Variants in PDE4D observed in about 807,000 individuals in gnomAD.
PDE4D encodes the protein phosphodiesterase 4D.
A neutral mutation model predicts 87.4 loss-of-function variants in PDE4D; 24 were observed. That is an observed-to-expected ratio of 0.27 (90% CI 0.20 to 0.39). The LOEUF is 0.39. PDE4D is among the 10% of genes least tolerant of loss of function. The pLI is 1.00. For missense variants in PDE4D, 714 were observed against 1,041.0 expected (o/e 0.69, Z 4.32); for synonymous variants, 384 against 383.2 (o/e 1.00, Z -0.02).
intron 1 of PDE4D, among the ~76,000 whole-genome samples, chr5:59,308,177 C>T (rs973704090): frequency 3.8e-5 from 5 of 131,090 alleles, no homozygotes; most frequent in African/African-American, 1.2e-4. Context: ...CACATGGACA[C>T]AGGAAGGGGA....
chr5:59,815,462 T>C (rs1282128581), intron 1 of PDE4D, among the ~76,000 whole-genome samples: 1 of 152,144 alleles, frequency 6.6e-6, no homozygotes, highest in East Asian at 1.9e-4. Context: ...GAGTTGGCTG[T>C]CTTACTTCCT....
rs1056016257 is a variant in PDE4D, at chr5:59,315,467, G to C, written c.456-99499C>G. Among the ~76,000 whole-genome samples, 14 of 152,066 alleles carry C rather than the reference G, an allele frequency of 9.2e-5. No homozygotes were observed. In the South Asian group the frequency reaches 2.5e-3, roughly 27 times the overall value. ...AATAATTGAGTCTCACACTCTTGAG[G>C]GGGGAATATGTTAGGGTAGGTAGAT... is the stretch of plus-strand genomic sequence containing the variant. On this transcript the variant is annotated intron_variant, in intron 1 of 14. Transcript: ENST00000340635.
At chr5:59,102,565 C>T (rs1770938548) in intron 5 of PDE4D, among the ~76,000 whole-genome samples, 1 of 152,146 alleles carries the variant, frequency 6.6e-6, no homozygotes, top group African/African-American at 2.4e-5. Flanking sequence ...GACCATAATG[C>T]TATATTAGCA....
intron 2 of PDE4D, among the ~76,000 whole-genome samples, chr5:60,016,792 CAA>C (rs1765561607): frequency 6.6e-6 from 1 of 152,156 alleles, no homozygotes; most frequent in African/African-American, 2.4e-5. Flanking sequence ...TTGAAACTTT[CAA>C]AGTCATCATG....
At chr5:60,196,970 G>C (rs1407812660) in intron 1 of PDE4D, among the ~76,000 whole-genome samples, 2 of 150,618 alleles carry the variant, frequency 1.3e-5, no homozygotes, top group Admixed American at 6.6e-5. Context: ...AGACCAACTA[G>C]GTTCTAAAAC....
intron 1 of PDE4D, among the ~76,000 whole-genome samples, chr5:59,308,649 G>A (rs989473804): frequency 1.3e-5 from 2 of 151,578 alleles, no homozygotes; most frequent in African/African-American, 4.9e-5. Flanking sequence ...GCCTGTTCTG[G>A]TGCAGGGGGT....
chr5:59,559,258 C>T (rs952362783), intron 1 of PDE4D, among the ~76,000 whole-genome samples: 6 of 152,126 alleles, frequency 3.9e-5, no homozygotes, highest in Admixed American at 1.3e-4. Context: ...ATTGAAAATA[C>T]GGCCTAAAAT....
At chr5:59,102,926 A>G (rs1322803979) in intron 5 of PDE4D, among the ~76,000 whole-genome samples, 1 of 152,218 alleles carries the variant, frequency 6.6e-6, no homozygotes, top group Non-Finnish European at 1.5e-5. Context: ...TAAGACTACC[A>G]TAAAAGGAGG....
At chr5:59,514,591 C>T (rs1291017872) in intron 1 of PDE4D, among the ~76,000 whole-genome samples, 1 of 152,162 alleles carries the variant, frequency 6.6e-6, no homozygotes. Context: ...TAGGACTGAA[C>T]TACTGAATTA....
chr5:59,980,776 C>T (rs1761845427), intron 3 of PDE4D, among the ~76,000 whole-genome samples: 1 of 152,118 alleles, frequency 6.6e-6, no homozygotes, highest in South Asian at 2.1e-4. Context: ...AAATTGAAGG[C>T]ATGGCAGATA....
At chr5:58,977,488 T>C in intron 11 of PDE4D, 143 bp from the exon 12 acceptor site, 1 of 696,742 alleles carries the variant, frequency 1.4e-6, no homozygotes, top group East Asian at 2.7e-5. Context: ...CAGGAGAGAA[T>C]AAATCAGATA....
At chr5:59,393,916 A>G (rs974370963) in intron 1 of PDE4D, among the ~76,000 whole-genome samples, 5 of 152,212 alleles carry the variant, frequency 3.3e-5, no homozygotes, top group Admixed American at 6.5e-5. Context: ...ATGTGATAAA[A>G]GTTTTCTTTG....
At chr5:59,418,121 T>G (rs1793916464) in intron 1 of PDE4D, among the ~76,000 whole-genome samples, 1 of 152,226 alleles carries the variant, frequency 6.6e-6, no homozygotes, top group African/African-American at 2.4e-5. Context: ...TCTAGTCTTC[T>G]GGTATTCCAA....
At chr5:59,023,487 TA>T (rs1755618394) in intron 6 of PDE4D, among the ~76,000 whole-genome samples, 1 of 145,900 alleles carries the variant, frequency 6.9e-6, no homozygotes, top group Non-Finnish European at 1.5e-5. Context: ...AAAAAAAAGT[TA>T]AATTAAATTA....
At chr5:59,387,501 A>T (rs1186658673) in intron 1 of PDE4D, among the ~76,000 whole-genome samples, 2 of 152,170 alleles carry the variant, frequency 1.3e-5, no homozygotes, top group Admixed American at 1.3e-4. Flanking sequence ...ATGATTTCTC[A>T]ATGAGAAAGA....
At chr5:60,104,149 TC>T (rs1210793015) in intron 2 of PDE4D, among the ~76,000 whole-genome samples, 1 of 152,138 alleles carries the variant, frequency 6.6e-6, no homozygotes, top group South Asian at 2.1e-4. Context: ...ATCAGGTCAC[TC>T]CCACCCAAAT....
intron 1 of PDE4D, among the ~76,000 whole-genome samples, chr5:60,233,179 T>TCACA: frequency 6.7e-6 from 1 of 148,300 alleles, no homozygotes; most frequent in South Asian, 2.1e-4. Context: ...GAGGTCGTTG[T>TCACA]CACACACACA....
chr5:59,200,314 C>T (rs1442016189), intron 2 of PDE4D, among the ~76,000 whole-genome samples: 1 of 130,318 alleles, frequency 7.7e-6, no homozygotes, highest in Non-Finnish European at 1.6e-5. Flanking sequence ...TGTACAGCTA[C>T]ACGTATACAT....
intron 2 of PDE4D, among the ~76,000 whole-genome samples, chr5:60,138,127 C>A (rs1780210105): frequency 6.6e-6 from 1 of 152,090 alleles, no homozygotes. Context: ...GTTCTCTATT[C>A]TTTTTCTCTG....
Sources: allele counts gnomAD v4.1 joint callset (sites outside exome capture counted in the v4.1 genomes callset), GRCh38; gene constraint gnomAD v4.1.1; transcripts MANE v1.5; gene names NCBI Gene and HGNC (gene_info 2026-07-23, HGNC 2026-07-21).